Variants in TDP1 observed in about 807,000 individuals in gnomAD.
The protein encoded by TDP1 is tyrosyl-DNA phosphodiesterase 1, also known as tyr-DNA phosphodiesterase 1.
TDP1 carries 64 observed loss-of-function variants against 81.5 expected under a neutral mutation model. The ratio of observed to expected loss-of-function variants is 0.79; its 90% CI spans 0.64 to 0.97. The LOEUF is 0.97. Among genes scored for constraint, TDP1 ranks in the 50% least tolerant of loss-of-function variants. The probability of loss-of-function intolerance (pLI) is 0.00; values close to 1 mark genes in which losing one functional copy is unlikely to be tolerated. For synonymous variants in TDP1, 256 were observed against 264.3 expected (o/e 0.97, Z 0.30); for missense variants, 723 against 743.8 (o/e 0.97, Z 0.33).
At chr14:90,004,234 G>T (rs1016150932) in intron 14 of TDP1, among the ~76,000 whole-genome samples, 1 of 152,090 alleles carries the variant, frequency 6.6e-6, no homozygotes, top group Non-Finnish European at 1.5e-5. Flanking sequence ...CATCATCACT[G>T]ATGGAAAAAA....
chr14:90,038,093 T>A (rs1888001847), intron 16 of TDP1, among the ~76,000 whole-genome samples: 1 of 152,222 alleles, frequency 6.6e-6, no homozygotes, highest in South Asian at 2.1e-4. Flanking sequence ...ATCCTATCGA[T>A]CTGTCTGATT....
intron 7 of TDP1, among the ~76,000 whole-genome samples, chr14:89,976,527 CTTTTT>C (rs35744477): frequency 2.3e-5 from 2 of 88,754 alleles, no homozygotes; most frequent in East Asian, 3.3e-4. Flanking sequence ...CAACAGAGCT[CTTTTT>C]TTTTTTTTTT....
At chr14:89,967,184 C>T (rs529145725) in intron 4 of TDP1, 183 bp from the exon 5 acceptor site, 86 of 912,990 alleles carry the variant, frequency 9.4e-5, no homozygotes, top group East Asian at 1.2e-4. Flanking sequence ...TTCTTTTAAC[C>T]ATGCATTTAA....
intron 5 of TDP1, among the ~76,000 whole-genome samples, chr14:89,969,798 GGTCGGTTGTTT>G (rs1226935408): frequency 4.7e-4 from 72 of 152,152 alleles, no homozygotes; most frequent in Non-Finnish European, 9.7e-4. Context: ...TGTGGAAGTG[GGTCGGTTGTTT>G]ATCTTTCTTG....
At chr14:90,001,187 A>G (rs1487053654) in intron 14 of TDP1, among the ~76,000 whole-genome samples, 1 of 152,240 alleles carries the variant, frequency 6.6e-6, no homozygotes, top group Admixed American at 6.5e-5. Context: ...AAAACTGGCT[A>G]CAGAAGGTCA....
intron 15 of TDP1, among the ~76,000 whole-genome samples, chr14:90,030,370 T>C (rs1171727157): frequency 6.6e-6 from 1 of 152,200 alleles, no homozygotes; most frequent in Admixed American, 6.5e-5. Flanking sequence ...TTATTAAAAT[T>C]ACACCAATTT....
intron 3 of TDP1, among the ~76,000 whole-genome samples, chr14:89,964,680 C>G (rs1892725685): frequency 6.6e-6 from 1 of 152,094 alleles, no homozygotes; most frequent in African/African-American, 2.4e-5. Flanking sequence ...TTTTGAGAAT[C>G]TCTTATCTTG....
chr14:90,018,887 C>CA (rs1008331078), intron 14 of TDP1: 5 of 854,886 alleles, frequency 5.8e-6, no homozygotes, highest in South Asian at 5.4e-5. Context: ...CACTACCTGG[C>CA]AAAAAAACTG....
rs1355260732 is a variant in TDP1 at position 89,980,571 on chromosome 14, C to T, written c.823C>T (p.Leu275Phe). 6.2e-7 allele frequency: 1 copy of T among 1,614,000 alleles called. No homozygotes were observed. Among genetic ancestry groups the T allele is most frequent in the African/African-American group, 1.3e-5 (1 of 74,890 alleles). ...KMMLLLYEEGLRVVIHTSNLI... is the reference protein window; with the variant it reads ...KMMLLLYEEGFRVVIHTSNLI... ...GATGCTGCTGCTCTATGAAGAAGGC[C>T]TCCGGGTTGTCATACACACCTCCAA... The change falls in exon 8 of 17, where the codon CTC becomes TTC. Residue 275 changes from leucine (L) to phenylalanine (F), a missense_variant. Physicochemically the swap from Leu to Phe is conservative, Grantham distance 22 (BLOSUM62 0). Coordinates refer to ENST00000335725, the MANE Select transcript of TDP1 (RefSeq NM_018319.4).
intron 7 of TDP1, among the ~76,000 whole-genome samples, chr14:89,976,195 T>C (rs1302081251): frequency 6.6e-6 from 1 of 151,682 alleles, no homozygotes; most frequent in African/African-American, 2.4e-5. Context: ...AGCCTCCAAC[T>C]CCTGGGCTTA....
Position 90,043,212 on chromosome 14 carries a change from C to A in TDP1, c.*69C>A. The A allele has an allele frequency of 6.3e-7, 1 of 1,593,684 alleles. No homozygotes were observed. Among genetic ancestry groups the A allele is most frequent in the East Asian group, 2.2e-5 (1 of 44,730 alleles). ...ACAAACATGGAATCTCTTCTTTGTA[C>A]TGGATGTCCACTTCCCTTAAAGTCT... On this transcript the variant is annotated 3_prime_UTR_variant, in exon 17 of 17. Transcript: ENST00000335725.
Position 89,985,158 on chromosome 14 carries a change from G to A in TDP1, c.1079G>A (p.Gly360Glu). The change falls in exon 10 of 17, where the codon GGA becomes GAA. Residue 360 changes from glycine (G) to glutamate (E), a missense_variant. By Grantham distance (98) the Gly-to-Glu change is moderately conservative. Transcript: ENST00000335725. Reference sequence around the variant, plus strand: ...GTTTATCTTATTGGTTCAACCCCAGGACGCTTTCAAGGAAGTCAAAAAGAT... The same window carrying A: ...GTTTATCTTATTGGTTCAACCCCAGAACGCTTTCAAGGAAGTCAAAAAGAT... ...TNVYLIGSTPGRFQGSQKDNW... is the reference protein window; with the variant it reads ...TNVYLIGSTPERFQGSQKDNW... 1 of 1,611,688 alleles carries A rather than the reference G, an allele frequency of 6.2e-7. No homozygotes were observed. The highest frequency in any genetic ancestry group is 8.5e-7 in the Non-Finnish European group (1 of 1,178,834).
At chr14:90,034,973 GCCT>G (rs1331246352) in intron 16 of TDP1, among the ~76,000 whole-genome samples, 1 of 151,730 alleles carries the variant, frequency 6.6e-6, no homozygotes, top group Non-Finnish European at 1.5e-5. Context: ...GGTGAACCAA[GCCT>G]CCTCTGTCCC....
At position 90,043,136 on chromosome 14, in the gene TDP1, C is replaced by T. The variant is rs1159521483; in HGVS notation, c.1820C>T (p.Pro607Leu). The T allele has an allele frequency of 6.2e-7, 1 of 1,614,050 alleles. No individual in the cohort carries two copies. The highest frequency in any genetic ancestry group is 1.3e-5 in the African/African-American group (1 of 74,900). Residue 607 changes from proline (P) to leucine (L), a missense_variant, in exon 17 of 17, where the codon CCC becomes CTC. Physicochemically the swap from Pro to Leu is moderately conservative, Grantham distance 98. Coordinates refer to ENST00000335725, the MANE Select transcript of TDP1 (RefSeq NM_018319.4). ...APDTHGNMWV[P>L]S The stretch of plus-strand genomic sequence containing the variant: ...GATACGCATGGGAACATGTGGGTGC[C>T]CTCCTGAGAATCTTGAGGCACTGTG...
rs1262483972 is a variant in TDP1 at position 89,964,846 on chromosome 14, C to T, written c.559+1173C>T. The T allele has an allele frequency of 1.1e-5, 5 of 446,860 alleles. No individual in the cohort carries two copies. The Admixed American group carries it at 1.2e-4, about 11-fold the overall frequency. 27.7% of individuals were successfully genotyped at this position (446,860 alleles called of 1,614,324 possible). ...CTTACATATATTTTCTCCTTTAATC[C>T]TCAGGACAGTCTTATGAGTAGATGT... On this transcript the variant is annotated intron_variant, in intron 3 of 16. Coordinates refer to ENST00000335725, the MANE Select transcript of TDP1 (RefSeq NM_018319.4).
intron 14 of TDP1, among the ~76,000 whole-genome samples, chr14:90,006,086 G>T (rs1897653737): frequency 6.6e-6 from 1 of 152,158 alleles, no homozygotes; most frequent in Admixed American, 6.5e-5. Flanking sequence ...CTTGTCGGGG[G>T]AGGGTCATGA....
intron 11 of TDP1, chr14:89,989,504 C>T: frequency 1.2e-6 from 1 of 865,836 alleles, no homozygotes; most frequent in Non-Finnish European, 1.4e-6. Context: ...GGAAAAAATA[C>T]TCCAATTGAA....
chr14:90,025,792 A>G (rs547168340), intron 15 of TDP1, among the ~76,000 whole-genome samples: 1 of 152,298 alleles, frequency 6.6e-6, no homozygotes, highest in South Asian at 2.1e-4. Context: ...CTCTGTGAAT[A>G]TATCAGGGAG....
chr14:89,964,989 C>A, intron 3 of TDP1: 1 of 259,138 alleles, frequency 3.9e-6, no homozygotes. Context: ...AGCACTCTAC[C>A]ATGTGCCATA....
Sources: gnomAD v4.1 joint callset for allele counts (sites outside exome capture counted in the v4.1 genomes callset) on GRCh38, gnomAD v4.1.1 for gene constraint, MANE v1.5 for transcripts, NCBI Gene and HGNC (gene_info 2026-07-23, HGNC 2026-07-21) for gene names.